The following MAVS variants were observed in gnomAD, a reference collection of about 807,000 sequenced individuals.
The protein encoded by MAVS is mitochondrial antiviral signaling protein, also known as mitochondrial antiviral-signaling protein.
In MAVS, 20 loss-of-function variants were observed where a neutral mutation model predicts 30.2. The observed-to-expected ratio is 0.66, with a 90% CI of 0.47 to 0.96. The LOEUF (loss-of-function observed/expected upper bound fraction) is 0.96, where lower values mean the gene tolerates loss of function less well. Ranked by LOEUF, MAVS falls within the 40% of genes least tolerant of loss-of-function variation. The pLI is 0.00. For synonymous variants in MAVS, 278 were observed against 293.9 expected (o/e 0.95, Z 0.55); for missense variants, 624 against 701.1 (o/e 0.89, Z 1.24).
In MAVS at chr20:3,871,769, A is replaced by G. The variant is rs1263707936; in HGVS notation, c.*5622A>G. 1 of 151,906 alleles carries G rather than the reference A, an allele frequency of 6.6e-6. No homozygotes were observed. The highest frequency in any genetic ancestry group is 1.5e-5 in the Non-Finnish European group (1 of 67,958). The allele number at this position is 151,906 out of a possible 1,614,324, so 9.4% of individuals were successfully genotyped here. ...GAAATTGAGGCCTTCCCCTGTGTTC[A>G]CCTTTCTGCTCTTTTTCTTTTAGCC... On this transcript the variant is annotated 3_prime_UTR_variant, in exon 7 of 7. Coordinates refer to ENST00000428216, the MANE Select transcript of MAVS (RefSeq NM_020746.5).
Position 3,853,224 on chromosome 20 carries a change from C to T in MAVS, c.-67-1334C>T, listed in dbSNP as rs181936470. ...GATGGCGGCCGGGCGCGGTGGCTCA[C>T]GCCTGTAATCCCAGCACTTTGGGAG... On this transcript the variant is annotated intron_variant, in intron 1 of 6. Transcript: ENST00000428216. Among the ~76,000 whole-genome samples the T allele has an allele frequency of 4.1e-3, 620 of 149,986 alleles. 1 individual carries two copies. The highest frequency in any genetic ancestry group is 0.014 in the African/African-American group (573 of 41,088).
chr20:3,847,566 G>A (rs950534333), intron 1 of MAVS, among the ~76,000 whole-genome samples: 21 of 152,210 alleles, frequency 1.4e-4, no homozygotes, highest in Admixed American at 1.2e-3. Flanking sequence ...ACACGAAAAA[G>A]GGATTCTCTG....
At chr20:3,863,246 C>T (rs1333758709) in intron 5 of MAVS, among the ~76,000 whole-genome samples, 5 of 152,144 alleles carry the variant, frequency 3.3e-5, no homozygotes, top group Non-Finnish European at 7.4e-5. Context: ...TGTCAGTGCT[C>T]CCCCTCAGAA....
rs1199564750 is a variant in MAVS, at chr20:3,864,334, C to T, written c.704C>T (p.Pro235Leu). 1.9e-6 allele frequency: 3 copies of T among 1,613,970 alleles called. No homozygotes were observed. Among genetic ancestry groups the T allele is most frequent in the African/African-American group, 1.3e-5 (1 of 74,860 alleles). ...TTCCAGCCCCTGGCCCGTTCCACCC[C>T]CAGGGCAAGCCGCTTGCCTGGACCC... ...VSFQPLARST[P>L]RASRLPGPTG... The change falls in exon 6 of 7, where the codon CCC becomes CTC. Residue 235 changes from proline (P) to leucine (L), a missense_variant. Transcript: ENST00000428216.
rs1361523900 is a variant in MAVS at position 3,865,654 on chromosome 20, C to T, written c.1159-29C>T. 2 of 1,564,292 alleles carry T rather than the reference C, an allele frequency of 1.3e-6. No homozygotes were observed. Among genetic ancestry groups the T allele is most frequent in the African/African-American group, 2.7e-5 (2 of 73,836 alleles). ...GGTTCGTCTCCCTGCCAACCCCAGT[C>T]CCTTCCAGTGCTCTCCTTTCTTTCC... On this transcript the variant is annotated intron_variant, in intron 6 of 6. Transcript: ENST00000428216. This position sits in a 1 kb window ranked among gnomAD's most constrained non-coding sequence, Gnocchi z 4.7.
At chr20:3,849,457 G>A (rs1461246147) in intron 1 of MAVS, among the ~76,000 whole-genome samples, 1 of 152,174 alleles carries the variant, frequency 6.6e-6, no homozygotes, top group African/African-American at 2.4e-5. Context: ...CACCCGCCTA[G>A]GCCTCCCAAA....
intron 3 of MAVS, among the ~76,000 whole-genome samples, chr20:3,860,586 GC>G (rs1251153520): frequency 6.6e-6 from 1 of 151,558 alleles, no homozygotes; most frequent in Admixed American, 6.6e-5. Context: ...TGTTGGTCAG[GC>G]TGGTCTCGAA....
intron 1 of MAVS, among the ~76,000 whole-genome samples, chr20:3,851,640 T>C (rs2089760800): frequency 6.6e-6 from 1 of 151,840 alleles, no homozygotes; most frequent in African/African-American, 2.4e-5. Context: ...GTTCAAGGCA[T>C]GGAACTCAGT....
rs1300411473 is a variant in MAVS at position 3,868,931 on chromosome 20, G to A, written c.*2784G>A. The stretch of plus-strand genomic sequence containing the variant: ...AGCACAGTAACCAGCCATGATGGGA[G>A]ATACCCTGGGTAAGGCATGTAGAAA... On this transcript the variant is annotated 3_prime_UTR_variant, in exon 7 of 7. Transcript: ENST00000428216. 2 of 152,286 alleles carry A rather than the reference G, an allele frequency of 1.3e-5. No individual in the cohort carries two copies. Among genetic ancestry groups the A allele is most frequent in the African/African-American group, 2.4e-5 (1 of 41,442 alleles). The allele number at this position is 152,286 out of a possible 1,614,324, so 9.4% of individuals were successfully genotyped here.
At chr20:3,850,274 CAAAA>C (rs71195864) in intron 1 of MAVS, among the ~76,000 whole-genome samples, 2 of 44,460 alleles carry the variant, frequency 4.5e-5, no homozygotes, top group East Asian at 6.3e-4. Context: ...GAGACTGTCT[CAAAA>C]AAAAAAAAAA....
rs1165657970 is a variant in MAVS at position 3,861,420 on chromosome 20, C to T, written c.381C>T (p.Ser127=). The T allele has an allele frequency of 6.2e-7, 1 of 1,614,192 alleles. No homozygotes were observed. Residue 127 remains serine, a synonymous_variant, in exon 4 of 7, where the codon AGC becomes AGT. Transcript: ENST00000428216. The part of the protein sequence containing the change: ...PGPPTPAAAH[S]IPYNSCREKE... ...CCCCCACACCTGCTGCGGCCCACAGCATCCCCTACAACAGCTGCAGAGAGA... is the reference window on the plus strand; with the variant it reads ...CCCCCACACCTGCTGCGGCCCACAGTATCCCCTACAACAGCTGCAGAGAGA...
intron 3 of MAVS, among the ~76,000 whole-genome samples, chr20:3,859,037 C>T (rs933375238): frequency 1.1e-4 from 16 of 151,960 alleles, no homozygotes; most frequent in Admixed American, 7.2e-4. Context: ...TGGGCTGAAG[C>T]GATCGGCCTC....
rs1403868543 is a variant in MAVS at position 3,870,604 on chromosome 20, A to C, written c.*4457A>C. The C allele has an allele frequency of 7.6e-6, 1 of 131,442 alleles. No individual in the cohort carries two copies. The highest frequency in any genetic ancestry group is 2.8e-5 in the African/African-American group (1 of 35,618). 8.1% of individuals were successfully genotyped at this position (131,442 alleles called of 1,614,324 possible). A position where few individuals can be genotyped will look rare whatever the true frequency, so the allele number is the denominator to read the frequency against. On this transcript the variant is annotated 3_prime_UTR_variant, in exon 7 of 7. Transcript: ENST00000428216. ...CCCTTGAAGCCAGGAGTTTGAGACAAGCCTGGGCAACAAAGCAAGACCCTA... is the reference window on the plus strand; with the variant it reads ...CCCTTGAAGCCAGGAGTTTGAGACACGCCTGGGCAACAAAGCAAGACCCTA...
rs1028363413 is a variant in MAVS at position 3,865,289 on chromosome 20, A to G, written c.1159-394A>G. ...TGCTCCAAGCCTCACATCTAACCCTAGCTGCGGCTGTCTGCTGGGAAGAGC... is the reference window on the plus strand; with the variant it reads ...TGCTCCAAGCCTCACATCTAACCCTGGCTGCGGCTGTCTGCTGGGAAGAGC... On this transcript the variant is annotated intron_variant, in intron 6 of 6. Transcript: ENST00000428216. This position sits in a 1 kb window ranked among gnomAD's most constrained non-coding sequence, Gnocchi z 4.7. Among the ~76,000 whole-genome samples, 1 of 152,020 alleles carries G rather than the reference A, an allele frequency of 6.6e-6. No homozygotes were observed.
intron 1 of MAVS, among the ~76,000 whole-genome samples, chr20:3,849,961 T>C (rs977887037): frequency 2.6e-5 from 4 of 152,158 alleles, no homozygotes; most frequent in African/African-American, 4.8e-5. Flanking sequence ...CTGGCAGCAA[T>C]TGCTTATATT....
rs756329300 is a variant in MAVS at position 3,867,537 on chromosome 20, A to C, written c.*1390A>C. The stretch of plus-strand genomic sequence containing the variant: ...CTTGAGCCCAGAAGCTTGAAGCTGC[A>C]GTGAGCTAGGATCGTGCCACTGCAC... On this transcript the variant is annotated 3_prime_UTR_variant, in exon 7 of 7. Coordinates refer to ENST00000428216, the MANE Select transcript of MAVS (RefSeq NM_020746.5). 14 of 165,112 alleles carry C rather than the reference A, an allele frequency of 8.5e-5. No individual in the cohort carries two copies. Among genetic ancestry groups the C allele is most frequent in the Non-Finnish European group, 1.6e-4 (12 of 75,086 alleles). 10.2% of individuals were successfully genotyped at this position (165,112 alleles called of 1,614,324 possible).
Position 3,854,764 on chromosome 20 carries a change from C to A in MAVS, c.117+23C>A, listed in dbSNP as rs376720980. The A allele has an allele frequency of 6.5e-6, 10 of 1,532,534 alleles. No individual in the cohort carries two copies. The South Asian group carries it at 1.0e-4, about 15-fold the overall frequency. 94.9% of individuals were successfully genotyped at this position (1,532,534 alleles called of 1,614,324 possible). A position where few individuals can be genotyped will look rare whatever the true frequency, so the allele number is the denominator to read the frequency against. Reference sequence around the variant, plus strand: ...CAGGTGAGCAAGGGAAGTGACAGCCCGACACTGGCCTGGGGGCAGGGCTGT... The same window carrying A: ...CAGGTGAGCAAGGGAAGTGACAGCCAGACACTGGCCTGGGGGCAGGGCTGT... On this transcript the variant is annotated intron_variant, in intron 2 of 6. Coordinates refer to ENST00000428216, the MANE Select transcript of MAVS (RefSeq NM_020746.5).
chr20:3,866,250 G>A lies in MAVS; in HGVS notation c.*103G>A. 8.6e-7 allele frequency: 1 copy of A among 1,164,694 alleles called. No homozygotes were observed. Among genetic ancestry groups the A allele is most frequent in the Non-Finnish European group, 1.2e-6 (1 of 848,634 alleles). The allele number at this position is 1,164,694 out of a possible 1,614,324, so 72.1% of individuals were successfully genotyped here. ...CCTTTCTTGGGGATTGTGGAGGCTG[G>A]GTCAGAGGGGAGTTAAGGGACTGCA... On this transcript the variant is annotated 3_prime_UTR_variant, in exon 7 of 7. Coordinates refer to ENST00000428216, the MANE Select transcript of MAVS (RefSeq NM_020746.5).
At chr20:3,854,890 TC>T (rs373410618) in intron 2 of MAVS, 149 bp downstream of exon 2, 11 of 471,852 alleles carry the variant, frequency 2.3e-5, no homozygotes, top group South Asian at 3.1e-5. Flanking sequence ...TTGCTGCTTT[TC>T]TTTTTTTTTT....
Sources: allele counts gnomAD v4.1 joint callset (sites outside exome capture counted in the v4.1 genomes callset), GRCh38; gene constraint gnomAD v4.1.1; non-coding constraint Gnocchi (gnomAD v3.1); transcripts MANE v1.5; gene names NCBI Gene and HGNC (gene_info 2026-07-23, HGNC 2026-07-21).